Variants in RASAL3 observed in about 807,000 individuals in gnomAD.
The protein encoded by RASAL3 is RAS protein activator like 3.
In RASAL3, 74 loss-of-function variants were observed where a neutral mutation model predicts 105.5. The ratio of observed to expected loss-of-function variants is 0.70; its 90% CI spans 0.58 to 0.85. The LOEUF (loss-of-function observed/expected upper bound fraction) is 0.85. Among genes scored for constraint, RASAL3 ranks in the 40% least tolerant of loss-of-function variants. The probability of loss-of-function intolerance (pLI) is 0.00; values close to 1 mark genes in which losing one functional copy is unlikely to be tolerated. For synonymous variants in RASAL3, 579 were observed against 591.6 expected (o/e 0.98, Z 0.31); for missense variants, 1,352 against 1,392.0 (o/e 0.97, Z 0.46).
Position 15,461,483 on chromosome 19 carries a change from T to A in RASAL3, c.453A>T (p.Gly151=), listed in dbSNP as rs546929699. ...TGCCCCCTCTCACCTCCTCCTCTCC[T>A]CCAAGCAGCACCAGCTTCCCATCAA... ...TLLDGKLVLL[G]GEEEGPRRPR... Residue 151 remains glycine (G), a synonymous_variant, in exon 3 of 18, where the codon GGA becomes GGT. Transcript: ENST00000343625. 1.4e-5 allele frequency: 22 copies of A among 1,547,844 alleles called. No homozygotes were observed. In the South Asian group the frequency reaches 2.6e-4, roughly 18 times the overall value.
At chr19:15,455,357 G>C (rs1970285103) in intron 11 of RASAL3, among the ~76,000 whole-genome samples, 1 of 152,192 alleles carries the variant, frequency 6.6e-6, no homozygotes, top group South Asian at 2.1e-4. Flanking sequence ...CAGAGGTCAA[G>C]GGATTGGAAT....
intron 2 of RASAL3, among the ~76,000 whole-genome samples, chr19:15,463,283 G>C (rs1970570124): frequency 6.6e-6 from 1 of 151,842 alleles, no homozygotes; most frequent in Non-Finnish European, 1.5e-5. Context: ...AGTAGAAACA[G>C]GGTTTTGCCA....
intron 6 of RASAL3, 131 bp from the exon 7 acceptor site, chr19:15,458,786 C>A (rs1448730794): frequency 2.7e-6 from 3 of 1,098,620 alleles, no homozygotes; most frequent in Non-Finnish European, 3.6e-6. Context: ...GCCCCCCCCA[C>A]CCCCCGCCAT....
rs1970361762 is a variant in RASAL3 at position 15,457,477 on chromosome 19, G to T, written c.1246C>A (p.Arg416=). The change falls in exon 9 of 18, where the codon CGG becomes AGG. Residue 416 remains arginine, a synonymous_variant. Transcript: ENST00000343625. This position sits in a 1 kb window ranked among gnomAD's most constrained non-coding sequence, Gnocchi z 8.6. ...AGGCGACGCGCCCGAATCCGCGCCC[G>T]CAGCGCTGCGCCCGCCGGCGCCCCG... ...LLGAPAGAAL[R]ARIRARRLRV... 3.2e-6 allele frequency: 4 copies of T among 1,255,622 alleles called. No individual in the cohort carries two copies. The highest frequency in any genetic ancestry group is 9.0e-5 in the Admixed American group (2 of 22,170). 77.8% of individuals were successfully genotyped at this position (1,255,622 alleles called of 1,614,324 possible).
In RASAL3 at chr19:15,457,760, C is replaced by G. The variant is rs570446533; in HGVS notation, c.963G>C (p.Ala321=). ...GCTCGGCGCGCACGCCGGGTGCCCC[C>G]GCCGCTGCTCGGGGAAGCCCCTTCG... is the stretch of plus-strand genomic sequence containing the variant. ...HEAKGLPRAA[A]GAPGVRAELW... The change falls in exon 9 of 18, where the codon GCG becomes GCC. Residue 321 remains alanine, a synonymous_variant. Coordinates refer to ENST00000343625, the MANE Select transcript of RASAL3 (RefSeq NM_022904.3). The surrounding 1 kb of genome is among the most constrained non-coding windows in gnomAD (Gnocchi z 8.6). The G allele has an allele frequency of 3.2e-6, 5 of 1,545,800 alleles. No homozygotes were observed. The East Asian group carries it at 1.2e-4, about 38-fold the overall frequency.
Position 15,464,089 on chromosome 19 carries a change from C to T in RASAL3, c.270G>A (p.Trp90Ter). Residue 90 changes from tryptophan to a stop codon, truncating the protein, a stop_gained, in exon 2 of 18, where the codon TGG (tryptophan) becomes TGA (stop). Transcript: ENST00000343625. LOFTEE classifies it high-confidence loss of function. The stretch of plus-strand genomic sequence containing the variant: ...CCGGCGGTGGGTTCTTATGCCTCCC[C>T]CAGAGGGCCTTGGAGAGTCGAAGGC... Reference protein sequence around the residue: ...TSRLRLSKALWGRHKNPPPEP... With the variant: ...TSRLRLSKAL 1.9e-6 allele frequency: 3 copies of T among 1,606,538 alleles called. No individual in the cohort carries two copies. Among genetic ancestry groups the T allele is most frequent in the Non-Finnish European group, 2.6e-6 (3 of 1,175,372 alleles).
chr19:15,462,961 T>TA (rs1057503525), intron 2 of RASAL3, among the ~76,000 whole-genome samples: 5 of 151,032 alleles, frequency 3.3e-5, no homozygotes, highest in African/African-American at 9.7e-5. Flanking sequence ...AAAAAAAAAA[T>TA]AAAAAAAATG....
intron 16 of RASAL3, 76 bp downstream of exon 16, chr19:15,452,582 G>GC (rs1358294863): frequency 1.2e-5 from 15 of 1,208,094 alleles, no homozygotes; most frequent in Middle Eastern, 2.9e-4. Flanking sequence ...GTTTGGGGGG[G>GC]GGGGGGAGGG....
intron 8 of RASAL3, 116 bp downstream of exon 8, chr19:15,458,212 G>A: frequency 2.2e-6 from 2 of 889,400 alleles, no homozygotes; most frequent in East Asian, 2.7e-5. Flanking sequence ...CGATGCAGGC[G>A]GGGCAGGTGT....
chr19:15,452,664 C>G lies in RASAL3; in HGVS notation c.2822G>C (p.Arg941Pro). The G allele has an allele frequency of 6.5e-7, 1 of 1,546,000 alleles. No homozygotes were observed. Among genetic ancestry groups the G allele is most frequent in the East Asian group, 2.4e-5 (1 of 40,946 alleles). The change falls in exon 16 of 18, where the codon CGT (arginine) becomes CCT (proline). Residue 941 changes from arginine to proline, a missense_variant. Physicochemically the swap from Arg to Pro is moderately radical, Grantham distance 103. Around this residue, in one of 3 missense-constraint regions of RASAL3, gnomAD observed 920 missense variants for 919.6 expected, o/e 1.00. Coordinates refer to ENST00000343625, the MANE Select transcript of RASAL3 (RefSeq NM_022904.3). ...TGGAGAGGGCTGGGCTCACCCAGCACGGAGCCTGGAGTCCAGATCCTGCAG... is the reference window on the plus strand; with the variant it reads ...TGGAGAGGGCTGGGCTCACCCAGCAGGGAGCCTGGAGTCCAGATCCTGCAG... ...GQLQDLDSRL[R>P]AGSSEFDSEH... is the part of the protein sequence containing the mutation.
chr19:15,460,232 C>A lies in RASAL3; in HGVS notation c.633G>T (p.Lys211Asn). The A allele has an allele frequency of 1.2e-6, 2 of 1,609,112 alleles. No homozygotes were observed. The highest frequency in any genetic ancestry group is 1.7e-6 in the Non-Finnish European group (2 of 1,177,858). The change falls in exon 6 of 18, where the codon AAG becomes AAT. Residue 211 changes from lysine (K) to asparagine (N), a missense_variant. Lys to Asn is a moderately conservative substitution (Grantham distance 94). Around this residue, in one of 3 missense-constraint regions of RASAL3, gnomAD observed 344 missense variants for 339.6 expected, o/e 1.01. Transcript: ENST00000343625. The part of the protein sequence containing the change: ...VRGLLKRLKE[K>N]KKARLEPRDG... ...CCCGGGGCTCCAACCTGGCCTTTTT[C>A]TTCTCTTTCAGCCTCTTGAGCAACC...
At chr19:15,452,013 G>C (rs1970166332) in intron 17 of RASAL3, 32 bp downstream of exon 17, 1 of 1,613,886 alleles carries the variant, frequency 6.2e-7, no homozygotes, top group Non-Finnish European at 8.5e-7. Context: ...CCACCGCCCA[G>C]ACCTGCCCCA....
In RASAL3 at chr19:15,461,215, T is replaced by A; in HGVS notation, c.544+3A>T. On this transcript the variant is annotated splice_donor_region_variant and intron_variant, in intron 4 of 17. Transcript: ENST00000343625. ...CCCAGGCCTTTCCACCCCTCAAGCT[T>A]ACCTGGATCCCTGAAGTTCCCCATG... 6.2e-7 allele frequency: 1 copy of A among 1,613,916 alleles called. No individual in the cohort carries two copies. The highest frequency in any genetic ancestry group is 8.5e-7 in the Non-Finnish European group (1 of 1,179,856).
In RASAL3 at chr19:15,457,801, C is replaced by T. The variant is rs1970376626; in HGVS notation, c.922G>A (p.Val308Met). ...NVEREETWLS[V>M]WVHEAKGLPR... Reference sequence around the variant, plus strand: ...AGCCCCTTCGCTTCGTGCACCCACACGCTCAGCCATGTCTCTTCCCGCTCC... The same window carrying T: ...AGCCCCTTCGCTTCGTGCACCCACATGCTCAGCCATGTCTCTTCCCGCTCC... Residue 308 changes from valine (V) to methionine (M), a missense_variant, in exon 9 of 18, where the codon GTG (valine) becomes ATG (methionine). Coordinates refer to ENST00000343625, the MANE Select transcript of RASAL3 (RefSeq NM_022904.3). This position sits in a 1 kb window ranked among gnomAD's most constrained non-coding sequence, Gnocchi z 8.6. The T allele has an allele frequency of 1.9e-6, 3 of 1,548,732 alleles. No individual in the cohort carries two copies. Among genetic ancestry groups the T allele is most frequent in the East Asian group, 2.4e-5 (1 of 40,918 alleles).
chr19:15,452,570 T>C, intron 16 of RASAL3, 88 bp downstream of exon 16: 1 of 848,764 alleles, frequency 1.2e-6, no homozygotes, highest in Non-Finnish European at 1.5e-6. Flanking sequence ...GTGCTAGGCG[T>C]GGTTTGGGGG....
In RASAL3 at chr19:15,461,596, C is replaced by T. The variant is rs747036880; in HGVS notation, c.340G>A (p.Glu114Lys). ...PEQEAPELEP[E>K]PELEPPTPQI... ...GGGGTAGGGGGCTCCAGCTCTGGCT[C>T]CGGCTCCAGCTCTGGGAAGAAGAGG... is the stretch of plus-strand genomic sequence containing the variant. The change falls in exon 3 of 18, where the codon GAG becomes AAG. Residue 114 changes from glutamate (E) to lysine (K), a missense_variant. By Grantham distance (56) the Glu-to-Lys change is moderately conservative. This residue lies in a region of RASAL3 where 344 missense variants were observed against 339.6 expected (regional missense o/e 1.01). Coordinates refer to ENST00000343625, the MANE Select transcript of RASAL3 (RefSeq NM_022904.3). 1.3e-6 allele frequency: 2 copies of T among 1,531,078 alleles called. No individual in the cohort carries two copies. Among genetic ancestry groups the T allele is most frequent in the Admixed American group, 2.5e-5 (1 of 39,948 alleles). The allele number at this position is 1,531,078 out of a possible 1,614,324, so 94.8% of individuals were successfully genotyped here.
chr19:15,463,081 CTTTTTTT>C (rs527514253), intron 2 of RASAL3, among the ~76,000 whole-genome samples: 1 of 143,932 alleles, frequency 6.9e-6, no homozygotes, highest in African/African-American at 2.5e-5. Flanking sequence ...TTTTTTCTTT[CTTTTTTT>C]TTTTTTTCTT....
Position 15,453,460 on chromosome 19 carries a change from G to A in RASAL3, c.2317C>T (p.Arg773Trp). 1 of 1,542,508 alleles carries A rather than the reference G, an allele frequency of 6.5e-7. No homozygotes were observed. Among genetic ancestry groups the A allele is most frequent in the African/African-American group, 1.4e-5 (1 of 69,300 alleles). Residue 773 changes from arginine (R) to tryptophan (W), a missense_variant, in exon 15 of 18, where the codon CGG becomes TGG. This residue lies in a region of RASAL3 where 920 missense variants were observed against 919.6 expected (regional missense o/e 1.00). Coordinates refer to ENST00000343625, the MANE Select transcript of RASAL3 (RefSeq NM_022904.3). The surrounding 1 kb of genome is among the most constrained non-coding windows in gnomAD (Gnocchi z 4.2). The part of the protein sequence containing the change: ...AGEKPGFLAP[R>W]DLPKHTPLIS... ...AGAGGGGTGTGCTTGGGGAGGTCCC[G>A]GGGGGCCAGGAAGCCGGGCTTCTCC...
chr19:15,457,794 A>C lies in RASAL3; in HGVS notation c.929T>G (p.Val310Gly). The C allele has an allele frequency of 6.5e-7, 1 of 1,548,440 alleles. No homozygotes were observed. Among genetic ancestry groups the C allele is most frequent in the Non-Finnish European group, 8.7e-7 (1 of 1,146,784 alleles). The change falls in exon 9 of 18, where the codon GTG becomes GGG. Residue 310 changes from valine to glycine, a missense_variant. By Grantham distance (109) the Val-to-Gly change is moderately radical (BLOSUM62 -3). Around this residue, in one of 3 missense-constraint regions of RASAL3, gnomAD observed 88 missense variants for 132.7 expected, o/e 0.66. Coordinates refer to ENST00000343625, the MANE Select transcript of RASAL3 (RefSeq NM_022904.3). The surrounding 1 kb of genome is among the most constrained non-coding windows in gnomAD (Gnocchi z 8.6). ...EREETWLSVWVHEAKGLPRAA... is the reference protein window; with the variant it reads ...EREETWLSVWGHEAKGLPRAA... Reference sequence around the variant, plus strand: ...TCGGGGAAGCCCCTTCGCTTCGTGCACCCACACGCTCAGCCATGTCTCTTC... The same window carrying C: ...TCGGGGAAGCCCCTTCGCTTCGTGCCCCCACACGCTCAGCCATGTCTCTTC...
Sources: gnomAD v4.1 joint callset for allele counts (sites outside exome capture counted in the v4.1 genomes callset) on GRCh38, gnomAD v4.1.1 for gene constraint, gnomAD v4.1.1 regional missense constraint, Gnocchi (gnomAD v3.1) non-coding constraint, MANE v1.5 for transcripts, NCBI Gene and HGNC (gene_info 2026-07-23, HGNC 2026-07-21) for gene names.